DCC: variants seen among roughly 807,000 people sequenced by gnomAD.
DCC encodes netrin receptor DCC.
In DCC, 58 loss-of-function variants were observed where a neutral mutation model predicts 172.5. The observed-to-expected ratio is 0.34, with a 90% confidence interval of 0.27 to 0.42. The LOEUF is 0.42. Ranked by LOEUF, DCC falls within the 10% of genes least tolerant of loss-of-function variation. The pLI is 1.00. For synonymous variants in DCC, 709 were observed against 644.5 expected (o/e 1.10, Z -1.52); for missense variants, 1,740 against 1,791.0 (o/e 0.97, Z 0.51).
intron 5 of DCC, among the ~76,000 whole-genome samples, chr18:52,981,333 T>C (rs1324830049): frequency 1.3e-5 from 2 of 152,160 alleles, no homozygotes. Context: ...ACAGTTCTTT[T>C]CTTTTTCATA....
rs527958602 is a variant in DCC, at chr18:53,291,830, A to C, written c.1912-13748A>C. Among the ~76,000 whole-genome samples, 5 of 152,348 alleles carry C rather than the reference A, an allele frequency of 3.3e-5. No homozygotes were observed. In the South Asian group the frequency reaches 6.2e-4, roughly 19 times the overall value. On this transcript the variant is annotated intron_variant, in intron 12 of 28. Coordinates refer to ENST00000442544, the MANE Select transcript of DCC (RefSeq NM_005215.4). ...GAGAATTAAGTCTATTGATACTGAC[A>C]AATTCCAAAATGTATTAATCGTAAA...
intron 5 of DCC, among the ~76,000 whole-genome samples, chr18:52,991,873 A>G (rs2041397917): frequency 6.6e-6 from 1 of 152,184 alleles, no homozygotes. Context: ...GTTCAGTACA[A>G]AAGGGACAAT....
intron 1 of DCC, among the ~76,000 whole-genome samples, chr18:52,477,776 G>A (rs1166940168): frequency 1.3e-5 from 2 of 152,120 alleles, no homozygotes; most frequent in Non-Finnish European, 2.9e-5. Context: ...GAGACACTGT[G>A]AGCACCAATA....
chr18:53,223,730 T>C (rs929004433), intron 12 of DCC, among the ~76,000 whole-genome samples: 1 of 152,194 alleles, frequency 6.6e-6, no homozygotes, highest in Non-Finnish European at 1.5e-5. Flanking sequence ...GCAAAAACTT[T>C]ATTCAGTAGT....
At chr18:53,220,229 T>C (rs531036047) in intron 12 of DCC, among the ~76,000 whole-genome samples, 3 of 152,254 alleles carry the variant, frequency 2.0e-5, no homozygotes, top group Admixed American at 2.0e-4. Flanking sequence ...TTTTCTGAAA[T>C]TGGGGTTATC....
chr18:52,766,381 A>G (rs1485609887), intron 2 of DCC, among the ~76,000 whole-genome samples: 1 of 152,206 alleles, frequency 6.6e-6, no homozygotes, highest in East Asian at 1.9e-4. Flanking sequence ...ACCCTCTGCC[A>G]ACTAAGGCAA....
chr18:52,473,003 A>C (rs1011497054), intron 1 of DCC, among the ~76,000 whole-genome samples: 6 of 152,232 alleles, frequency 3.9e-5, no homozygotes, highest in Admixed American at 3.9e-4. Context: ...CAGAGCTAAT[A>C]TTTCTGAAAA....
At chr18:53,467,774 G>C (rs1311928436) in intron 24 of DCC, 120 bp from the exon 25 acceptor site, 3 of 762,508 alleles carry the variant, frequency 3.9e-6, no homozygotes, top group Non-Finnish European at 7.2e-6. Context: ...TAACAAGAAG[G>C]TAGATACTAT....
At position 53,222,437 on chromosome 18, in the gene DCC, T is replaced by C. The variant is rs186540985; in HGVS notation, c.1911+6840T>C. Reference sequence around the variant, plus strand: ...TCTTGCTCTGTCACCCAGGCTGCAGTGCAGTGGTGTGATCTCAGCTCACTG... The same window carrying C: ...TCTTGCTCTGTCACCCAGGCTGCAGCGCAGTGGTGTGATCTCAGCTCACTG... On this transcript the variant is annotated intron_variant, in intron 12 of 28. Transcript: ENST00000442544. Among the ~76,000 whole-genome samples, 561 of 145,036 alleles carry C rather than the reference T, an allele frequency of 3.9e-3. 2 individuals are homozygous for C. Among genetic ancestry groups the C allele is most frequent in the African/African-American group, 0.014 (544 of 39,270 alleles).
At chr18:52,695,333 G>A (rs1282028346) in intron 1 of DCC, among the ~76,000 whole-genome samples, 6 of 152,228 alleles carry the variant, frequency 3.9e-5, no homozygotes, top group African/African-American at 1.4e-4. Flanking sequence ...TCCTTTATTT[G>A]AGTGTTAGGA....
At position 53,017,080 on chromosome 18, in the gene DCC, C is replaced by CTTTT. The variant is rs780984399; in HGVS notation, c.986-46213_986-46210dup. The stretch of plus-strand genomic sequence containing the variant: ...TATGTTTTTTTTTTCTTTTTCTTTT[C>CTTTT]TTTTTTTTTTTTTTTGAGACGGAGT... On this transcript the variant is annotated intron_variant, in intron 5 of 28. Transcript: ENST00000442544. Among the ~76,000 whole-genome samples the CTTTT allele has an allele frequency of 7.6e-5, 10 of 131,314 alleles. No homozygotes were observed. In the South Asian group the frequency reaches 2.0e-3, roughly 26 times the overall value. The allele number at this position is 131,314 out of a possible 152,430, so 86.1% of individuals were successfully genotyped here.
At chr18:52,553,355 AC>A (rs1479173107) in intron 1 of DCC, among the ~76,000 whole-genome samples, 3 of 152,028 alleles carry the variant, frequency 2.0e-5, no homozygotes, top group African/African-American at 7.2e-5. Context: ...TTTTGACTTG[AC>A]CATCATAGAA....
At chr18:52,721,432 G>A (rs2036472608) in intron 1 of DCC, among the ~76,000 whole-genome samples, 1 of 152,144 alleles carries the variant, frequency 6.6e-6, no homozygotes, top group Non-Finnish European at 1.5e-5. Context: ...AGTTCTGTTT[G>A]TTCCAAATAT....
intron 7 of DCC, among the ~76,000 whole-genome samples, chr18:53,129,028 A>G (rs903285652): frequency 2.6e-5 from 4 of 151,792 alleles, no homozygotes; most frequent in South Asian, 2.1e-4. Flanking sequence ...CTGGGACTAC[A>G]GGCATATGCC....
chr18:52,853,535 G>A (rs890918349), intron 2 of DCC, among the ~76,000 whole-genome samples: 1 of 152,186 alleles, frequency 6.6e-6, no homozygotes, highest in Non-Finnish European at 1.5e-5. Context: ...CAAATAGATG[G>A]ATTTAATCCA....
At chr18:53,445,482 G>T (rs1912541660) in intron 22 of DCC, among the ~76,000 whole-genome samples, 1 of 152,164 alleles carries the variant, frequency 6.6e-6, no homozygotes, top group Non-Finnish European at 1.5e-5. Context: ...GTGCCAAGGG[G>T]ACCAGGTCCT....
chr18:52,475,578 T>C (rs1292982787), intron 1 of DCC, among the ~76,000 whole-genome samples: 1 of 152,070 alleles, frequency 6.6e-6, no homozygotes, highest in Non-Finnish European at 1.5e-5. Flanking sequence ...AGCGAGTTCT[T>C]CTCATCAGCA....
chr18:53,442,590 C>A (rs1297047156), intron 22 of DCC, among the ~76,000 whole-genome samples: 1 of 152,106 alleles, frequency 6.6e-6, no homozygotes, highest in Non-Finnish European at 1.5e-5. Flanking sequence ...TTCTAAGTGT[C>A]CGGGTGGAAG....
chr18:53,470,899 G>A lies in DCC; in HGVS notation c.3736+2889G>A, dbSNP rs1159950. Among the ~76,000 whole-genome samples, 477 of 152,234 alleles carry A rather than the reference G, an allele frequency of 3.1e-3. 10 individuals are homozygous for A. The highest frequency in any genetic ancestry group is 0.029 in the Admixed American group (445 of 15,282). ...TACAATTCGAGATGAGATTTGGGTG[G>A]GGACACAGAGCCAAATTATATAAAT... is the stretch of plus-strand genomic sequence containing the variant. On this transcript the variant is annotated intron_variant, in intron 25 of 28. Coordinates refer to ENST00000442544, the MANE Select transcript of DCC (RefSeq NM_005215.4).
Sources: gnomAD v4.1 joint callset for allele counts (sites outside exome capture counted in the v4.1 genomes callset) on GRCh38, gnomAD v4.1.1 for gene constraint, MANE v1.5 for transcripts, NCBI Gene and HGNC (gene_info 2026-07-23, HGNC 2026-07-21) for gene names.